The following ADCY2 variants were observed in gnomAD, a reference collection of about 807,000 sequenced individuals.
ADCY2 encodes adenylate cyclase type 2.
In ADCY2, 31 loss-of-function variants were observed where a neutral mutation model predicts 125.2. That is an observed-to-expected ratio of 0.25 (90% CI 0.19 to 0.33). The LOEUF is 0.33. ADCY2 is among the 10% of genes least tolerant of loss of function. The pLI, the probability that ADCY2 is intolerant of heterozygous loss-of-function variation, is 1.00. For missense variants in ADCY2, 904 were observed against 1,418.2 expected, an observed-to-expected ratio of 0.64 and a Z score of 5.82; for synonymous variants, 512 against 548.4, an observed-to-expected ratio of 0.93 and a Z score of 0.93.
At position 7,660,167 on chromosome 5, in the gene ADCY2, T is replaced by A. The variant is rs1242620808; in HGVS notation, c.721-30524T>A. Among the ~76,000 whole-genome samples the A allele has an allele frequency of 1.2e-4, 16 of 138,430 alleles. No individual in the cohort carries two copies. In the East Asian group the frequency reaches 3.1e-3, roughly 27 times the overall value. The allele number at this position is 138,430 out of a possible 152,430, so 90.8% of individuals were successfully genotyped here. ...TACCCATTTAACAAATCTGTACACA[T>A]ACCTCCAGAACTCAAAATAAAAGTG... On this transcript the variant is annotated intron_variant, in intron 4 of 24. Transcript: ENST00000338316.
intron 1 of ADCY2, among the ~76,000 whole-genome samples, chr5:7,405,999 C>T (rs1277597092): frequency 6.6e-6 from 1 of 151,994 alleles, no homozygotes; most frequent in African/African-American, 2.4e-5. Context: ...AGCTGGGACG[C>T]AGGTGTGTGC....
chr5:7,603,981 C>A (rs1194327732), intron 3 of ADCY2, among the ~76,000 whole-genome samples: 12 of 66,538 alleles, frequency 1.8e-4, no homozygotes, highest in Middle Eastern at 5.2e-3. Context: ...CCGACCCCAC[C>A]ACAGTCCCCA....
chr5:7,603,779 T>G (rs932315611), intron 3 of ADCY2, among the ~76,000 whole-genome samples: 4 of 109,624 alleles, frequency 3.6e-5, no homozygotes, highest in African/African-American at 1.4e-4. Flanking sequence ...GGTAATGCTC[T>G]CTTTCTTTTT....
At chr5:7,453,387 T>A (rs1741544603) in intron 2 of ADCY2, among the ~76,000 whole-genome samples, 1 of 152,190 alleles carries the variant, frequency 6.6e-6, no homozygotes, top group Non-Finnish European at 1.5e-5. Flanking sequence ...TGTTGTATGC[T>A]TTGTCAAAGA....
chr5:7,524,684 T>C (rs949005171), intron 3 of ADCY2, among the ~76,000 whole-genome samples: 8 of 152,178 alleles, frequency 5.3e-5, no homozygotes, highest in Non-Finnish European at 1.2e-4. Flanking sequence ...TCCTCATGAA[T>C]AGATTCCGGT....
intron 24 of ADCY2, among the ~76,000 whole-genome samples, chr5:7,825,233 G>GCTGCTGTGCGCCACGACAACA (rs1745436557): frequency 6.6e-6 from 1 of 151,812 alleles, no homozygotes; most frequent in African/African-American, 2.4e-5. Flanking sequence ...CCACGACAAC[G>GCTGCTGTGCGCCACGACAACA]CTGCTGTGTG....
intron 3 of ADCY2, among the ~76,000 whole-genome samples, chr5:7,567,246 G>T (rs921878557): frequency 3.9e-5 from 6 of 152,096 alleles, no homozygotes; most frequent in African/African-American, 1.4e-4. Context: ...AGTAGTTCTT[G>T]ATGCTTATGT....
At chr5:7,582,497 G>T (rs1017752052) in intron 3 of ADCY2, among the ~76,000 whole-genome samples, 1 of 152,008 alleles carries the variant, frequency 6.6e-6, no homozygotes, top group Non-Finnish European at 1.5e-5. Flanking sequence ...TATTCCAGAT[G>T]AATTTATACA....
At chr5:7,822,283 G>A (rs2126542522) in intron 24 of ADCY2, among the ~76,000 whole-genome samples, 1 of 152,276 alleles carries the variant, frequency 6.6e-6, no homozygotes, top group East Asian at 1.9e-4. Flanking sequence ...TTAAACTGTG[G>A]TTAGAGATTA....
intron 4 of ADCY2, among the ~76,000 whole-genome samples, chr5:7,660,048 AG>A (rs971047827): frequency 1.3e-5 from 2 of 152,172 alleles, no homozygotes; most frequent in African/African-American, 4.8e-5. Context: ...AGAAGGTGGG[AG>A]GGGCCATGGG....
At chr5:7,403,967 CACACACACAA>C (rs1739371462) in intron 1 of ADCY2, among the ~76,000 whole-genome samples, 1 of 151,880 alleles carries the variant, frequency 6.6e-6, no homozygotes, top group Non-Finnish European at 1.5e-5. Flanking sequence ...CACACACACA[CACACACACAA>C]AATTACTAAA....
At chr5:7,520,253 A>G (rs1043543388) in intron 2 of ADCY2, among the ~76,000 whole-genome samples, 1 of 152,064 alleles carries the variant, frequency 6.6e-6, no homozygotes, top group Non-Finnish European at 1.5e-5. Flanking sequence ...AGGCTGTTTT[A>G]TTTTGTTTGT....
intron 3 of ADCY2, among the ~76,000 whole-genome samples, chr5:7,576,056 G>A (rs907131796): frequency 6.6e-6 from 1 of 152,202 alleles, no homozygotes; most frequent in Non-Finnish European, 1.5e-5. Flanking sequence ...CTCTGGCTGG[G>A]TATGATGTTC....
At chr5:7,726,871 C>T (rs1433015308) in intron 13 of ADCY2, among the ~76,000 whole-genome samples, 1 of 152,166 alleles carries the variant, frequency 6.6e-6, no homozygotes, top group African/African-American at 2.4e-5. Context: ...ACTCACTCAA[C>T]CTTCTGGTCA....
chr5:7,586,097 C>T (rs961477181), intron 3 of ADCY2, among the ~76,000 whole-genome samples: 2 of 152,140 alleles, frequency 1.3e-5, no homozygotes, highest in African/African-American at 4.8e-5. Context: ...ATTCTAGTAA[C>T]TGGTAAAGTT....
chr5:7,675,241 G>A (rs1015156196), intron 4 of ADCY2, among the ~76,000 whole-genome samples: 7 of 151,856 alleles, frequency 4.6e-5, no homozygotes, highest in Non-Finnish European at 7.4e-5. Flanking sequence ...CTACCCAATC[G>A]TTTTAATATG....
chr5:7,752,253 A>C lies in ADCY2; in HGVS notation c.1957-5196A>C, dbSNP rs571796984. Among the ~76,000 whole-genome samples, 59 of 152,360 alleles carry C rather than the reference A, an allele frequency of 3.9e-4. No homozygotes were observed. In the South Asian group the frequency reaches 0.012, roughly 30 times the overall value. ...CACAGTCTTTGTGACATTAAATGTT[A>C]CAAGTAATTATTGCTCCGGCTTATT... On this transcript the variant is annotated intron_variant, in intron 15 of 24. Transcript: ENST00000338316.
chr5:7,784,518 T>C lies in ADCY2; in HGVS notation c.2469+69T>C, dbSNP rs1744025108. 6 of 1,130,422 alleles carry C rather than the reference T, an allele frequency of 5.3e-6. No individual in the cohort carries two copies. The Admixed American group carries it at 1.0e-4, about 20-fold the overall frequency. 70.0% of individuals were successfully genotyped at this position (1,130,422 alleles called of 1,614,324 possible). On this transcript the variant is annotated intron_variant, in intron 19 of 24. Transcript: ENST00000338316. ...GTGCTGTATTAATAGTGCTTTGCTG[T>C]GCATTGTAGTTAATCTTCTTGGAAA...
intron 3 of ADCY2, among the ~76,000 whole-genome samples, chr5:7,521,930 C>T (rs546897160): frequency 1.1e-4 from 17 of 152,194 alleles, no homozygotes; most frequent in Middle Eastern, 6.8e-3. Flanking sequence ...AGGCAGTGGC[C>T]TCTAATTTTA....
Sources: gnomAD v4.1 joint callset for allele counts (sites outside exome capture counted in the v4.1 genomes callset) on GRCh38, gnomAD v4.1.1 for gene constraint, MANE v1.5 for transcripts, NCBI Gene and HGNC (gene_info 2026-07-23, HGNC 2026-07-21) for gene names.